Variants in LMOD1 observed in about 807,000 individuals in gnomAD.
The protein encoded by LMOD1 is leiomodin 1.
In LMOD1, 8 loss-of-function variants were observed where a neutral mutation model predicts 36.5. The observed-to-expected ratio is 0.22, with a 90% confidence interval of 0.13 to 0.40. The LOEUF is 0.40. Among genes scored for constraint, LMOD1 ranks in the 10% least tolerant of loss-of-function variants. The pLI, the probability that LMOD1 is intolerant of heterozygous loss-of-function variation, is 1.00. For synonymous variants in LMOD1, 284 were observed against 288.7 expected, an observed-to-expected ratio of 0.98 and a Z score of 0.17; for missense variants, 630 against 751.1, an observed-to-expected ratio of 0.84 and a Z score of 1.88.
At chr1:201,936,096 CAAAAA>C (rs61077548) in intron 1 of LMOD1, among the ~76,000 whole-genome samples, 4 of 73,142 alleles carry the variant, frequency 5.5e-5, no homozygotes, top group Non-Finnish European at 8.8e-5. Context: ...GACCTTGTCT[CAAAAA>C]AAAAAAAAAA....
intron 1 of LMOD1, among the ~76,000 whole-genome samples, chr1:201,943,068 C>G (rs1038348703): frequency 2.0e-5 from 3 of 152,196 alleles, no homozygotes; most frequent in African/African-American, 7.2e-5. Flanking sequence ...GAACATTTGA[C>G]AGAAGACTAT....
At chr1:201,922,086 C>T (rs1251856317) in intron 1 of LMOD1, among the ~76,000 whole-genome samples, 1 of 152,048 alleles carries the variant, frequency 6.6e-6, no homozygotes, top group Non-Finnish European at 1.5e-5. Context: ...AAAAGACAGA[C>T]AATAATAAGT....
chr1:201,945,958 A>C, intron 1 of LMOD1, 122 bp downstream of exon 1: 1 of 972,834 alleles, frequency 1.0e-6, no homozygotes, highest in Non-Finnish European at 1.6e-6. Context: ...TCAGTTCTGA[A>C]GCATTAAAAT....
intron 1 of LMOD1, among the ~76,000 whole-genome samples, chr1:201,907,420 G>A (rs909651929): frequency 6.6e-6 from 1 of 152,212 alleles, no homozygotes; most frequent in Admixed American, 6.5e-5. Context: ...AGCCTCGAGG[G>A]CAGGCAGTAG....
At chr1:201,925,342 A>T (rs1050210325) in intron 1 of LMOD1, among the ~76,000 whole-genome samples, 2 of 152,236 alleles carry the variant, frequency 1.3e-5, no homozygotes, top group Admixed American at 1.3e-4. Flanking sequence ...TGAAGCAAGG[A>T]TCAAAAGAGA....
At chr1:201,919,107 C>T (rs572233539) in intron 1 of LMOD1, among the ~76,000 whole-genome samples, 1 of 152,168 alleles carries the variant, frequency 6.6e-6, no homozygotes, top group East Asian at 1.9e-4. Context: ...TCAGGCTGGT[C>T]TCAAACTCCT....
In LMOD1 at chr1:201,944,160, C is replaced by A. The variant is rs115237323; in HGVS notation, c.261+1920G>T. On this transcript the variant is annotated intron_variant, in intron 1 of 2. Transcript: ENST00000367288. ...GGCATCTCCTTACATCAAGGATGTA[C>A]ACACAAACACACACACCACTTCTAT... Among the ~76,000 whole-genome samples, 790 of 152,346 alleles carry A rather than the reference C, an allele frequency of 5.2e-3. 12 individuals carry two copies. Among genetic ancestry groups the A allele is most frequent in the African/African-American group, 0.018 (752 of 41,576 alleles).
In LMOD1 at chr1:201,896,776, G is replaced by A. The variant is rs1228040322; in HGVS notation, c.*1596C>T. 2.2e-6 allele frequency: 1 copy of A among 453,634 alleles called. No homozygotes were observed. Among genetic ancestry groups the A allele is most frequent in the Non-Finnish European group, 4.4e-6 (1 of 225,872 alleles). The allele number at this position is 453,634 out of a possible 1,614,324, so 28.1% of individuals were successfully genotyped here. ...AGGTGACTGGGGTGACAGGCAAGTG[G>A]GTGGAGGGAATGGAGAAGAGTGTAC... is the stretch of plus-strand genomic sequence containing the variant. On this transcript the variant is annotated 3_prime_UTR_variant, in exon 3 of 3. Coordinates refer to ENST00000367288, the MANE Select transcript of LMOD1 (RefSeq NM_012134.3).
At chr1:201,923,095 G>A (rs1013503562) in intron 1 of LMOD1, among the ~76,000 whole-genome samples, 3 of 152,158 alleles carry the variant, frequency 2.0e-5, no homozygotes, top group African/African-American at 7.2e-5. Flanking sequence ...AAAGTGCTGG[G>A]ATTACAGGCG....
intron 1 of LMOD1, among the ~76,000 whole-genome samples, chr1:201,920,275 G>T (rs1681682159): frequency 6.6e-6 from 1 of 151,778 alleles, no homozygotes; most frequent in African/African-American, 2.4e-5. Flanking sequence ...GGCCAGGCTG[G>T]TCTTGAACTC....
rs554042767 is a variant in LMOD1, at chr1:201,898,669, C to T, written c.1777-271G>A. On this transcript the variant is annotated intron_variant, in intron 2 of 2. Coordinates refer to ENST00000367288, the MANE Select transcript of LMOD1 (RefSeq NM_012134.3). ...GTATCCAACCAAATGGACAAACGATCGTGGACTTTGTCACCCAGGCCAGAC... is the reference window on the plus strand; with the variant it reads ...GTATCCAACCAAATGGACAAACGATTGTGGACTTTGTCACCCAGGCCAGAC... Among the ~76,000 whole-genome samples, 260 of 152,306 alleles carry T rather than the reference C, an allele frequency of 1.7e-3. 1 individual carries two copies. The highest frequency in any genetic ancestry group is 2.8e-3 in the Non-Finnish European group (190 of 68,022).
intron 1 of LMOD1, among the ~76,000 whole-genome samples, 170 bp downstream of exon 1, chr1:201,945,910 G>A (rs1363336217): frequency 1.3e-5 from 2 of 152,112 alleles, no homozygotes; most frequent in Non-Finnish European, 2.9e-5. Context: ...CAGAAATTAG[G>A]AGTAAGAGAT....
intron 1 of LMOD1, among the ~76,000 whole-genome samples, chr1:201,906,376 C>T (rs1361015679): frequency 2.0e-5 from 3 of 152,202 alleles, no homozygotes; most frequent in African/African-American, 7.2e-5. Context: ...TGTCTCAGAG[C>T]CCCTGAACAT....
intron 1 of LMOD1, among the ~76,000 whole-genome samples, chr1:201,901,208 A>T (rs1681293448): frequency 6.6e-6 from 1 of 152,206 alleles, no homozygotes; most frequent in Admixed American, 6.6e-5. Flanking sequence ...TTTTATTTTT[A>T]AAAATATACA....
At chr1:201,930,489 T>C (rs1205362080) in intron 1 of LMOD1, among the ~76,000 whole-genome samples, 1 of 152,126 alleles carries the variant, frequency 6.6e-6, no homozygotes, top group Non-Finnish European at 1.5e-5. Flanking sequence ...ATGATGTAGG[T>C]GTCTGATTAA....
At chr1:201,931,189 G>T (rs1018599939) in intron 1 of LMOD1, among the ~76,000 whole-genome samples, 1 of 152,164 alleles carries the variant, frequency 6.6e-6, no homozygotes, top group African/African-American at 2.4e-5. Context: ...CTAAAAAGTG[G>T]GTTTGGGTAA....
chr1:201,930,206 C>T (rs557669695), intron 1 of LMOD1, among the ~76,000 whole-genome samples: 6 of 152,238 alleles, frequency 3.9e-5, no homozygotes, highest in South Asian at 2.1e-4. Context: ...AATTTGATCA[C>T]GGAAGCTACA....
chr1:201,912,394 C>G (rs560280138), intron 1 of LMOD1, among the ~76,000 whole-genome samples: 1 of 152,054 alleles, frequency 6.6e-6, no homozygotes, highest in Non-Finnish European at 1.5e-5. Context: ...CCCTCCCCCA[C>G]AGCTCCCTTC....
chr1:201,908,731 A>G (rs1681447931), intron 1 of LMOD1, among the ~76,000 whole-genome samples: 1 of 152,180 alleles, frequency 6.6e-6, no homozygotes, highest in African/African-American at 2.4e-5. Context: ...TACACACCGC[A>G]GGTACTCTGG....
Sources: gnomAD v4.1 joint callset for allele counts (sites outside exome capture counted in the v4.1 genomes callset) on GRCh38, gnomAD v4.1.1 for gene constraint, MANE v1.5 for transcripts, NCBI Gene and HGNC (gene_info 2026-07-23, HGNC 2026-07-21) for gene names.